MYO3B: variants seen among roughly 807,000 people sequenced by gnomAD.
MYO3B encodes myosin IIIB, also known as myosin-IIIb.
MYO3B carries 156 observed loss-of-function variants against 174.6 expected under a neutral mutation model. That is an observed-to-expected ratio of 0.89 (90% CI 0.78 to 1.02). The LOEUF (loss-of-function observed/expected upper bound fraction) is 1.02. Among genes scored for constraint, MYO3B ranks in the 50% least tolerant of loss-of-function variants. MYO3B has a pLI of 0.00. For missense variants in MYO3B, 1,632 were observed against 1,639.4 expected (o/e 1.00, Z 0.08); for synonymous variants, 563 against 569.1 (o/e 0.99, Z 0.15).
Position 170,383,623 on chromosome 2 carries a change from A to C in MYO3B, c.1186-87A>C, listed in dbSNP as rs926547073. ...TCCTAATGCAACAAGTACCCTAATA[A>C]GTGACAGATTCTTGGTTTCATGGGC... On this transcript the variant is annotated intron_variant, in intron 11 of 34. Transcript: ENST00000408978. 1.0e-5 allele frequency: 10 copies of C among 983,216 alleles called. No homozygotes were observed. In the East Asian group the frequency reaches 2.5e-4, roughly 24 times the overall value. The allele number at this position is 983,216 out of a possible 1,614,324, so 60.9% of individuals were successfully genotyped here.
rs750938222 is a variant in MYO3B, at chr2:170,236,025, A to G, written c.638A>G (p.Tyr213Cys). 6 of 1,613,920 alleles carry G rather than the reference A, an allele frequency of 3.7e-6. No homozygotes were observed. In the African/African-American group the frequency reaches 5.3e-5, roughly 14 times the overall value. ...IACEQQYDSS[Y>C]DARCDVWSLG... ...TGTGAGCAGCAGTATGACTCTTCCT[A>G]TGACGCTCGCTGTGACGTCTGGTCC... The change falls in exon 7 of 35, where the codon TAT becomes TGT. Residue 213 changes from tyrosine to cysteine, a missense_variant. Physicochemically the swap from Tyr to Cys is radical, Grantham distance 194 (BLOSUM62 -2). Coordinates refer to ENST00000408978, the MANE Select transcript of MYO3B (RefSeq NM_138995.5).
In MYO3B at chr2:170,626,462, G is replaced by A. The variant is rs566573271; in HGVS notation, c.3734-25166G>A. 3.9e-5 allele frequency among the ~76,000 whole-genome samples: 6 copies of A among 152,130 alleles called. No homozygotes were observed. The South Asian group carries it at 1.2e-3, about 32-fold the overall frequency. Reference sequence around the variant, plus strand: ...ATGTGTGTCTCTGCACGTGAGATGGGTTTCCTGAATACAGCACACTGATGG... The same window carrying A: ...ATGTGTGTCTCTGCACGTGAGATGGATTTCCTGAATACAGCACACTGATGG... On this transcript the variant is annotated intron_variant, in intron 32 of 34. Coordinates refer to ENST00000408978, the MANE Select transcript of MYO3B (RefSeq NM_138995.5).
chr2:170,496,663 G>A (rs1686869372), intron 25 of MYO3B, among the ~76,000 whole-genome samples: 1 of 149,938 alleles, frequency 6.7e-6, no homozygotes, highest in African/African-American at 2.4e-5. Context: ...TTTTAATTTT[G>A]AGACAAGATC....
chr2:170,401,704 G>A lies in MYO3B; in HGVS notation c.2129+13G>A, dbSNP rs1410656387. On this transcript the variant is annotated intron_variant, in intron 18 of 34. Transcript: ENST00000408978. ...ACGAAAACATATGGCAAGTTCCTCG[G>A]AGAGCAGAGGGTCTCAGGAGAGCTG... The A allele has an allele frequency of 6.2e-7, 1 of 1,611,210 alleles. No homozygotes were observed.
intron 34 of MYO3B, 83 bp downstream of exon 34, chr2:170,652,237 G>T: frequency 3.2e-6 from 4 of 1,254,378 alleles, no homozygotes; most frequent in Non-Finnish European, 4.6e-6. Context: ...AAACTTTCCA[G>T]AGAGGCTTCT....
At chr2:170,564,779 GAAT>G (rs1423820399) in intron 32 of MYO3B, among the ~76,000 whole-genome samples, 1 of 151,938 alleles carries the variant, frequency 6.6e-6, no homozygotes, top group Non-Finnish European at 1.5e-5. Flanking sequence ...CCACACTGTA[GAAT>G]AATATGTAAC....
At chr2:170,371,780 C>G (rs1574866378) in intron 9 of MYO3B, among the ~76,000 whole-genome samples, 1 of 151,406 alleles carries the variant, frequency 6.6e-6, no homozygotes, top group East Asian at 1.9e-4. Context: ...GTTATGGCCA[C>G]CCGGCAGGCA....
chr2:170,519,407 A>G (rs772620672), intron 29 of MYO3B, 31 bp from the exon 30 acceptor site: 4 of 1,588,164 alleles, frequency 2.5e-6, no homozygotes. Context: ...ACTTCTGAAC[A>G]TATGCTTAGC....
chr2:170,364,759 G>C (rs2094185988), intron 8 of MYO3B, among the ~76,000 whole-genome samples: 1 of 152,138 alleles, frequency 6.6e-6, no homozygotes, highest in African/African-American at 2.4e-5. Context: ...GCTGACCAGG[G>C]ATAGAAATGA....
At position 170,651,673 on chromosome 2, in the gene MYO3B, G is replaced by A. The variant is rs564789296; in HGVS notation, c.3779G>A (p.Arg1260Gln). Residue 1260 changes from arginine to glutamine, a missense_variant, in exon 33 of 35, where the codon CGA becomes CAA. Arg to Gln is a conservative substitution (Grantham distance 43). Transcript: ENST00000408978. ...CAGAAGCATCGAACACCTCGCCGAC[G>A]ATGTCAGCAGCCCAAAATGCTGAGT... ...LAQKHRTPRR[R>Q]CQQPKMLSSP... 8.7e-6 allele frequency: 14 copies of A among 1,614,048 alleles called. 1 individual carries two copies. In the Middle Eastern group the frequency reaches 4.9e-4, roughly 57 times the overall value.
chr2:170,404,361 G>A lies in MYO3B; in HGVS notation c.2392G>A (p.Glu798Lys), dbSNP rs11892763. 6.2e-7 allele frequency: 1 copy of A among 1,613,560 alleles called. No individual in the cohort carries two copies. Among genetic ancestry groups the A allele is most frequent in the African/African-American group, 1.3e-5 (1 of 74,886 alleles). ...GGGACTGCTTGCACTTTTGGATGAGGAAAGTCGGTTTCCCCAAGCAACTGA... is the reference window on the plus strand; with the variant it reads ...GGGACTGCTTGCACTTTTGGATGAGAAAAGTCGGTTTCCCCAAGCAACTGA... ...PLGLLALLDE[E>K]SRFPQATDQT... Residue 798 changes from glutamate (E) to lysine (K), a missense_variant, in exon 20 of 35, where the codon GAA becomes AAA. Physicochemically the swap from Glu to Lys is moderately conservative, Grantham distance 56. Coordinates refer to ENST00000408978, the MANE Select transcript of MYO3B (RefSeq NM_138995.5).
At chr2:170,559,074 G>A (rs1691539963) in intron 32 of MYO3B, among the ~76,000 whole-genome samples, 2 of 152,172 alleles carry the variant, frequency 1.3e-5, no homozygotes, top group South Asian at 4.2e-4. Context: ...AACCTATCCA[G>A]ATTTAAGATT....
chr2:170,405,698 T>C, intron 21 of MYO3B, 65 bp downstream of exon 21: 1 of 1,221,384 alleles, frequency 8.2e-7, no homozygotes, highest in South Asian at 1.3e-5. Flanking sequence ...TATTACCCTG[T>C]CTGTGCTGCT....
At chr2:170,624,280 A>G (rs1230400932) in intron 32 of MYO3B, among the ~76,000 whole-genome samples, 4 of 152,036 alleles carry the variant, frequency 2.6e-5, no homozygotes, top group Non-Finnish European at 4.4e-5. Context: ...CCTTGAAGAG[A>G]TCCTTCACAT....
chr2:170,179,677 T>C (rs1165371947), intron 1 of MYO3B, among the ~76,000 whole-genome samples: 1 of 152,218 alleles, frequency 6.6e-6, no homozygotes, highest in African/African-American at 2.4e-5. Context: ...CCCTTGATCT[T>C]GGACTTCCCA....
At chr2:170,186,613 G>C (rs2092467334) in intron 1 of MYO3B, among the ~76,000 whole-genome samples, 1 of 152,106 alleles carries the variant, frequency 6.6e-6, no homozygotes. Context: ...TCAGGTTTTG[G>C]TATCAGGCTA....
intron 12 of MYO3B, chr2:170,384,031 C>A: frequency 2.0e-6 from 1 of 494,466 alleles, no homozygotes; most frequent in South Asian, 3.2e-5. Flanking sequence ...ATAAAACAGT[C>A]ACATGAGGTG....
At chr2:170,433,363 C>T (rs77595584) in intron 22 of MYO3B, among the ~76,000 whole-genome samples, 1,950 of 152,150 alleles carry the variant, frequency 0.013, 41 homozygotes, top group African/African-American at 0.045. Context: ...GCCACCAGTG[C>T]ATTCAGTGAG....
At chr2:170,277,635 A>G (rs1309379601) in intron 7 of MYO3B, among the ~76,000 whole-genome samples, 1 of 152,162 alleles carries the variant, frequency 6.6e-6, no homozygotes, top group Non-Finnish European at 1.5e-5. Context: ...ATTTAAGGAT[A>G]GCACTGCTGA....
Sources: gnomAD v4.1 joint callset for allele counts (sites outside exome capture counted in the v4.1 genomes callset) on GRCh38, gnomAD v4.1.1 for gene constraint, MANE v1.5 for transcripts, NCBI Gene and HGNC (gene_info 2026-07-23, HGNC 2026-07-21) for gene names.